The following DLEU7 variants were observed in gnomAD, a reference collection of about 807,000 sequenced individuals.
The protein encoded by DLEU7 is deleted in lymphocytic leukemia 7, also known as leukemia-associated protein 7.
In DLEU7, 17 loss-of-function variants were observed where a neutral mutation model predicts 16.0. The ratio of observed to expected loss-of-function variants is 1.06; its 90% CI spans 0.73 to 1.59. DLEU7 has a LOEUF of 1.59. DLEU7 is among the 40% of genes most tolerant of loss of function. DLEU7 has a pLI of 0.00. For synonymous variants in DLEU7, 113 were observed against 139.8 expected, an observed-to-expected ratio of 0.81 and a Z score of 1.35; for missense variants, 308 against 314.9, an observed-to-expected ratio of 0.98 and a Z score of 0.17.
chr13:50,838,548 G>A (rs1877545212), intron 1 of DLEU7, among the ~76,000 whole-genome samples: 1 of 152,108 alleles, frequency 6.6e-6, no homozygotes, highest in Non-Finnish European at 1.5e-5. Flanking sequence ...GCTCCCTTTG[G>A]GTGGCAAATG....
chr13:50,749,668 T>C (rs1566237749), intron 1 of DLEU7, among the ~76,000 whole-genome samples: 2 of 152,226 alleles, frequency 1.3e-5, no homozygotes. Context: ...GTGGTTTTGA[T>C]TTGCATTTTC....
chr13:50,784,113 T>C (rs1875734319), intron 1 of DLEU7, among the ~76,000 whole-genome samples: 1 of 152,378 alleles, frequency 6.6e-6, no homozygotes, highest in East Asian at 1.9e-4. Context: ...AGCTGTGAGA[T>C]GTTAATCAAA....
intron 1 of DLEU7, among the ~76,000 whole-genome samples, chr13:50,722,906 G>A (rs1434715202): frequency 6.6e-6 from 1 of 152,144 alleles, no homozygotes; most frequent in Non-Finnish European, 1.5e-5. Flanking sequence ...CTGGCAACCA[G>A]GATATTGACA....
chr13:50,719,165 C>T (rs1323494189), intron 1 of DLEU7, among the ~76,000 whole-genome samples: 1 of 152,142 alleles, frequency 6.6e-6, no homozygotes, highest in East Asian at 1.9e-4. Flanking sequence ...GGAAGGCCCT[C>T]ATCATTCTAA....
intron 1 of DLEU7, among the ~76,000 whole-genome samples, chr13:50,833,297 C>A (rs1378145893): frequency 6.6e-6 from 1 of 152,182 alleles, no homozygotes; most frequent in Non-Finnish European, 1.5e-5. Flanking sequence ...ATTTAGAAAA[C>A]CCCATCATCT....
rs576817017 is a variant in DLEU7, at chr13:50,829,505, G to T, written c.460-5985C>A. On this transcript the variant is annotated intron_variant, in intron 1 of 1. Coordinates refer to ENST00000504404, the MANE Select transcript of DLEU7 (RefSeq NM_001306135.2). ...GCCTTTAAAAATATAGTTGTGGGCA[G>T]AAAACCTGAAGTCAATTTCATGTTT... Among the ~76,000 whole-genome samples the T allele has an allele frequency of 1.7e-4, 26 of 152,272 alleles. No individual in the cohort carries two copies. The South Asian group carries it at 5.2e-3, about 30-fold the overall frequency.
chr13:50,729,885 T>C (rs546635986), intron 1 of DLEU7, among the ~76,000 whole-genome samples: 10 of 152,298 alleles, frequency 6.6e-5, no homozygotes, highest in African/African-American at 2.2e-4. Context: ...AATGGGGTTG[T>C]GTGTGTTCTA....
At chr13:50,788,636 G>A (rs1030904403) in intron 1 of DLEU7, among the ~76,000 whole-genome samples, 1 of 152,130 alleles carries the variant, frequency 6.6e-6, no homozygotes, top group Non-Finnish European at 1.5e-5. Flanking sequence ...TCTTCAAGGA[G>A]CCAAGAAATG....
chr13:50,823,347 C>T lies in DLEU7; in HGVS notation c.633G>A (p.Leu211=). ...CTGGGAGATTCTGTAAGATCTGTCTCAAGGAAGCACAGGCTACCATGTGGG... is the reference window on the plus strand; with the variant it reads ...CTGGGAGATTCTGTAAGATCTGTCTTAAGGAAGCACAGGCTACCATGTGGG... ...SDAHMVACAS[L]RQILQNLPDI The change falls in exon 2 of 2, where the codon TTG becomes TTA. Residue 211 remains leucine, a synonymous_variant. Coordinates refer to ENST00000504404, the MANE Select transcript of DLEU7 (RefSeq NM_001306135.2). 6.5e-7 allele frequency: 1 copy of T among 1,535,788 alleles called. No individual in the cohort carries two copies. Among genetic ancestry groups the T allele is most frequent in the Non-Finnish European group, 8.7e-7 (1 of 1,146,648 alleles).
At chr13:50,790,231 C>T (rs1875916190) in intron 1 of DLEU7, among the ~76,000 whole-genome samples, 1 of 151,998 alleles carries the variant, frequency 6.6e-6, no homozygotes, top group South Asian at 2.1e-4. Flanking sequence ...CCACACCCGG[C>T]CTCCCAGAGC....
chr13:50,730,563 T>C (rs2761855), intron 1 of DLEU7, among the ~76,000 whole-genome samples: 29,596 of 151,862 alleles, frequency 0.19, 3,343 homozygotes, highest in African/African-American at 0.32. Flanking sequence ...TGCTGAGGGG[T>C]CTCCATCCTG....
intron 1 of DLEU7, among the ~76,000 whole-genome samples, chr13:50,758,156 T>C (rs998185902): frequency 2.7e-5 from 4 of 150,216 alleles, no homozygotes; most frequent in African/African-American, 7.3e-5. Flanking sequence ...TGTGAGTCAC[T>C]ACACCTGGCC....
chr13:50,811,455 G>A (rs570389641), intron 1 of DLEU7, among the ~76,000 whole-genome samples: 6 of 152,190 alleles, frequency 3.9e-5, no homozygotes, highest in East Asian at 1.9e-4. Flanking sequence ...ATAGACATGC[G>A]TAAAATTGGC....
At chr13:50,788,428 G>A (rs988091234) in intron 1 of DLEU7, among the ~76,000 whole-genome samples, 5 of 152,158 alleles carry the variant, frequency 3.3e-5, no homozygotes, top group Non-Finnish European at 7.3e-5. Context: ...TAATACCAAG[G>A]CTGTGAAAGA....
chr13:50,836,678 G>T (rs747500699), intron 1 of DLEU7, among the ~76,000 whole-genome samples: 3 of 138,812 alleles, frequency 2.2e-5, no homozygotes, highest in Non-Finnish European at 4.7e-5. Context: ...CATCTCAAAA[G>T]AAAAAAAAAA....
intron 1 of DLEU7, chr13:50,807,728 T>C (rs1876435886): frequency 6.6e-6 from 1 of 152,164 alleles, no homozygotes; most frequent in Non-Finnish European, 1.5e-5. Flanking sequence ...TTCATCAGAC[T>C]GCAACTTACT....
At chr13:50,835,993 G>A (rs114387144) in intron 1 of DLEU7, among the ~76,000 whole-genome samples, 64 of 152,290 alleles carry the variant, frequency 4.2e-4, no homozygotes, top group African/African-American at 1.5e-3. Context: ...AACCCAATAT[G>A]ACTTAATAGA....
At chr13:50,736,616 A>G (rs1369905057) in intron 1 of DLEU7, among the ~76,000 whole-genome samples, 2 of 152,198 alleles carry the variant, frequency 1.3e-5, no homozygotes, top group Non-Finnish European at 1.5e-5. Context: ...AATGATCTCA[A>G]CTTGGTAGCC....
chr13:50,751,110 T>C (rs1874548930), intron 1 of DLEU7, among the ~76,000 whole-genome samples: 1 of 152,230 alleles, frequency 6.6e-6, no homozygotes, highest in South Asian at 2.1e-4. Flanking sequence ...GTCCCTTCTA[T>C]GCCAATTTTG....
Sources: gnomAD v4.1 joint callset for allele counts (sites outside exome capture counted in the v4.1 genomes callset) on GRCh38, gnomAD v4.1.1 for gene constraint, MANE v1.5 for transcripts, NCBI Gene and HGNC (gene_info 2026-07-23, HGNC 2026-07-21) for gene names.